CA8: variants seen among roughly 807,000 people sequenced by gnomAD.
The protein encoded by CA8 is carbonic anhydrase 8 (inactive).
A neutral mutation model predicts 41.4 loss-of-function variants in CA8; 22 were observed. That is an observed-to-expected ratio of 0.53 (90% CI 0.38 to 0.76). The LOEUF (loss-of-function observed/expected upper bound fraction) is 0.76. Among genes scored for constraint, CA8 ranks in the 30% least tolerant of loss-of-function variants. The pLI is 0.00. For synonymous variants in CA8, 121 were observed against 130.6 expected, an observed-to-expected ratio of 0.93 and a Z score of 0.50; for missense variants, 270 against 352.8, an observed-to-expected ratio of 0.77 and a Z score of 1.88.
chr8:60,220,509 C>G (rs78314363), intron 7 of CA8, among the ~76,000 whole-genome samples: 3,422 of 152,270 alleles, frequency 0.022, 65 homozygotes, highest in Non-Finnish European at 0.031. Context: ...GTTGGCAGCA[C>G]TCGTCCACAG....
In CA8 at chr8:60,263,321, TAA is replaced by T. The variant is rs11345369; in HGVS notation, c.417+2602_417+2603del. Among the ~76,000 whole-genome samples the T allele has an allele frequency of 6.9e-3, 919 of 132,864 alleles. 8 individuals carry two copies. Among genetic ancestry groups the T allele is most frequent in the African/African-American group, 0.019 (691 of 36,006 alleles). 87.2% of individuals were successfully genotyped at this position (132,864 alleles called of 152,430 possible). Reference sequence around the variant, plus strand: ...TGGGCGACAGGGCAAGACTCCATCTTAAAAAAAAAAAAAAAAAAGGTAATTCC... The same window carrying T: ...TGGGCGACAGGGCAAGACTCCATCTTAAAAAAAAAAAAAAAAGGTAATTCC... On this transcript the variant is annotated intron_variant, in intron 3 of 8. Transcript: ENST00000317995.
chr8:60,190,369 C>G (rs923568369), intron 8 of CA8, among the ~76,000 whole-genome samples: 1 of 148,586 alleles, frequency 6.7e-6, no homozygotes, highest in African/African-American at 2.5e-5. Flanking sequence ...CAAGAGCACA[C>G]AGACCCCTTC....
At chr8:60,260,300 T>C (rs1435938427) in intron 3 of CA8, among the ~76,000 whole-genome samples, 1 of 152,008 alleles carries the variant, frequency 6.6e-6, no homozygotes, top group Non-Finnish European at 1.5e-5. Context: ...TTCTTGGAGG[T>C]AGCAGGGATT....
At chr8:60,230,568 A>G (rs1234178935) in intron 4 of CA8, among the ~76,000 whole-genome samples, 1 of 147,262 alleles carries the variant, frequency 6.8e-6, no homozygotes, top group East Asian at 2.0e-4. Flanking sequence ...GATGGATTTC[A>G]GCCCATCCCT....
At chr8:60,262,399 A>T (rs1803764259) in intron 3 of CA8, among the ~76,000 whole-genome samples, 1 of 152,164 alleles carries the variant, frequency 6.6e-6, no homozygotes, top group African/African-American at 2.4e-5. Context: ...GACATCCAAC[A>T]AAGTTCAAAG....
At chr8:60,277,162 A>G (rs1288176983) in intron 2 of CA8, among the ~76,000 whole-genome samples, 1 of 115,880 alleles carries the variant, frequency 8.6e-6, no homozygotes, top group East Asian at 2.5e-4. Flanking sequence ...CTCGTCTTCA[A>G]TAGTAGAGAG....
chr8:60,195,975 CATTTTTAAAA>C (rs1806269471), intron 8 of CA8, among the ~76,000 whole-genome samples: 1 of 152,028 alleles, frequency 6.6e-6, no homozygotes, highest in Admixed American at 6.6e-5. Flanking sequence ...GCACATGAGA[CATTTTTAAAA>C]GGGTGCCAGA....
At chr8:60,280,517 A>G (rs1804375940) in intron 1 of CA8, among the ~76,000 whole-genome samples, 1 of 152,220 alleles carries the variant, frequency 6.6e-6, no homozygotes, top group Non-Finnish European at 1.5e-5. Context: ...CGAGTTTTTC[A>G]GAAAGTCAAC....
At chr8:60,240,074 T>C (rs898653927) in intron 3 of CA8, among the ~76,000 whole-genome samples, 3 of 151,848 alleles carry the variant, frequency 2.0e-5, no homozygotes, top group Non-Finnish European at 4.4e-5. Flanking sequence ...CTTTGGAAAA[T>C]GGTGAGATAA....
intron 7 of CA8, among the ~76,000 whole-genome samples, chr8:60,220,130 T>C (rs537645605): frequency 6.6e-6 from 1 of 152,188 alleles, no homozygotes; most frequent in South Asian, 2.1e-4. Flanking sequence ...ATTATAGCTC[T>C]TGTTCATGAA....
intron 3 of CA8, among the ~76,000 whole-genome samples, chr8:60,238,057 C>A (rs57716658): frequency 0.017 from 2,545 of 152,214 alleles, 73 homozygotes; most frequent in African/African-American, 0.058. Flanking sequence ...CTTCATATTC[C>A]CGCAACTGAT....
At chr8:60,225,119 T>C (rs1400178815) in intron 5 of CA8, among the ~76,000 whole-genome samples, 2 of 152,074 alleles carry the variant, frequency 1.3e-5, no homozygotes, top group Non-Finnish European at 2.9e-5. Flanking sequence ...TAGATGGAAA[T>C]ATTCTGTTCC....
In CA8 at chr8:60,187,098, C is replaced by T. The variant is rs1488978344; in HGVS notation, c.*2923G>A. ...ATATGCTAAGCCAGAAAGCAAACCTCGATAAATTTAAGACTGAGATCATAT... is the reference window on the plus strand; with the variant it reads ...ATATGCTAAGCCAGAAAGCAAACCTTGATAAATTTAAGACTGAGATCATAT... On this transcript the variant is annotated 3_prime_UTR_variant, in exon 9 of 9. Coordinates refer to ENST00000317995, the MANE Select transcript of CA8 (RefSeq NM_004056.6). 6.6e-6 allele frequency among the ~76,000 whole-genome samples: 1 copy of T among 151,806 alleles called. No homozygotes were observed. Among genetic ancestry groups the T allele is most frequent in the Admixed American group, 6.6e-5 (1 of 15,238 alleles).
chr8:60,245,674 C>T (rs1040932130), intron 3 of CA8, among the ~76,000 whole-genome samples: 4 of 152,158 alleles, frequency 2.6e-5, no homozygotes, highest in African/African-American at 9.7e-5. Context: ...ATACAGAGCC[C>T]AAGTTCCCTT....
chr8:60,240,423 C>T (rs1168856795), intron 3 of CA8, among the ~76,000 whole-genome samples: 1 of 152,208 alleles, frequency 6.6e-6, no homozygotes, highest in South Asian at 2.1e-4. Flanking sequence ...GCTGAAATCA[C>T]TGGTTGAGAG....
At chr8:60,194,805 G>GGAA (rs1806233344) in intron 8 of CA8, among the ~76,000 whole-genome samples, 1 of 152,034 alleles carries the variant, frequency 6.6e-6, no homozygotes, top group Non-Finnish European at 1.5e-5. Flanking sequence ...AAAGTATTGT[G>GGAA]GCTGTTGTCT....
chr8:60,214,274 A>T (rs1806941755), intron 7 of CA8, among the ~76,000 whole-genome samples: 1 of 152,250 alleles, frequency 6.6e-6, no homozygotes, highest in African/African-American at 2.4e-5. Context: ...AAGGACAAGC[A>T]AGCCAACAAG....
At chr8:60,239,647 C>T (rs1807950101) in intron 3 of CA8, among the ~76,000 whole-genome samples, 1 of 152,172 alleles carries the variant, frequency 6.6e-6, no homozygotes, top group Admixed American at 6.5e-5. Context: ...AGTTGGTTCA[C>T]TCATGGATTG....
At chr8:60,253,554 C>T (rs1197389684) in intron 3 of CA8, among the ~76,000 whole-genome samples, 1 of 152,110 alleles carries the variant, frequency 6.6e-6, no homozygotes, top group Non-Finnish European at 1.5e-5. Flanking sequence ...CCACCCTAGT[C>T]CACTCGCTGA....
Sources: allele counts gnomAD v4.1 joint callset (sites outside exome capture counted in the v4.1 genomes callset), GRCh38; gene constraint gnomAD v4.1.1; transcripts MANE v1.5; gene names NCBI Gene and HGNC (gene_info 2026-07-23, HGNC 2026-07-21).